TINAG: variants seen among roughly 807,000 people sequenced by gnomAD.
The protein encoded by TINAG is tubulointerstitial nephritis antigen.
TINAG carries 83 observed loss-of-function variants against 72.7 expected under a neutral mutation model. The ratio of observed to expected loss-of-function variants is 1.14; its 90% confidence interval spans 0.96 to 1.37. The LOEUF (loss-of-function observed/expected upper bound fraction) is 1.37, where lower values mean the gene tolerates loss of function less well. Among genes scored for constraint, TINAG ranks in the 40% most tolerant of loss-of-function variants. The probability of loss-of-function intolerance (pLI) is 0.00; values close to 1 mark genes in which losing one functional copy is unlikely to be tolerated. For missense variants in TINAG, 685 were observed against 576.6 expected (o/e 1.19, Z -1.93); for synonymous variants, 234 against 189.9 (o/e 1.23, Z -1.91).
intron 4 of TINAG, among the ~76,000 whole-genome samples, chr6:54,330,286 T>G (rs1280186286): frequency 6.6e-6 from 1 of 151,660 alleles, no homozygotes; most frequent in Non-Finnish European, 1.5e-5. Context: ...AGATTAGAAC[T>G]CAGGAATAAG....
At chr6:54,359,762 T>C (rs1763164664) in intron 9 of TINAG, among the ~76,000 whole-genome samples, 1 of 151,990 alleles carries the variant, frequency 6.6e-6, no homozygotes, top group Middle Eastern at 3.4e-3. Context: ...CACCTGAGCA[T>C]TGGTAGGTGC....
intron 9 of TINAG, among the ~76,000 whole-genome samples, chr6:54,362,819 T>C (rs1763281372): frequency 6.6e-6 from 1 of 151,272 alleles, no homozygotes; most frequent in South Asian, 2.1e-4. Context: ...TTGGAAGAAG[T>C]TGATTCCAGT....
intron 9 of TINAG, among the ~76,000 whole-genome samples, chr6:54,364,539 G>A (rs1763346755): frequency 6.6e-6 from 1 of 151,256 alleles, no homozygotes; most frequent in African/African-American, 2.4e-5. Context: ...TCACATAATA[G>A]TTTGTCATGA....
At chr6:54,364,855 C>A (rs1316765405) in intron 9 of TINAG, among the ~76,000 whole-genome samples, 1 of 151,214 alleles carries the variant, frequency 6.6e-6, no homozygotes, top group African/African-American at 2.4e-5. Context: ...AATAATGCCT[C>A]AGTACTGAAT....
intron 6 of TINAG, among the ~76,000 whole-genome samples, chr6:54,349,318 T>A (rs1460381240): frequency 6.6e-6 from 1 of 151,942 alleles, no homozygotes; most frequent in Non-Finnish European, 1.5e-5. Context: ...CTGGAAATAG[T>A]CAGATTCATT....
intron 4 of TINAG, among the ~76,000 whole-genome samples, chr6:54,330,504 GA>G: frequency 1.3e-5 from 2 of 152,212 alleles, no homozygotes; most frequent in Middle Eastern, 3.4e-3. Context: ...GATAAAATGA[GA>G]AAGATCTAAA....
At chr6:54,342,125 C>T (rs1213629899) in intron 4 of TINAG, among the ~76,000 whole-genome samples, 2 of 151,662 alleles carry the variant, frequency 1.3e-5, no homozygotes, top group African/African-American at 2.4e-5. Context: ...ATAAACAAAT[C>T]GTTATTTGGT....
intron 8 of TINAG, among the ~76,000 whole-genome samples, chr6:54,353,279 G>A (rs902766852): frequency 6.6e-6 from 1 of 151,804 alleles, no homozygotes; most frequent in African/African-American, 2.4e-5. Flanking sequence ...TGGTTCTACA[G>A]AAAAGAAAAG....
At chr6:54,387,322 C>T (rs930786757) in intron 10 of TINAG, among the ~76,000 whole-genome samples, 1 of 151,948 alleles carries the variant, frequency 6.6e-6, no homozygotes, top group South Asian at 2.1e-4. Flanking sequence ...TAAATGGAGC[C>T]GCTACTTATG....
chr6:54,378,417 C>T (rs979751919), intron 9 of TINAG, among the ~76,000 whole-genome samples: 2 of 151,934 alleles, frequency 1.3e-5, no homozygotes, highest in Non-Finnish European at 2.9e-5. Context: ...TTTAAATGAG[C>T]GTCTTAAAAT....
chr6:54,355,714 CGTGTGTGTGTGTGT>C (rs5876379), intron 9 of TINAG, among the ~76,000 whole-genome samples: 5 of 145,104 alleles, frequency 3.4e-5, no homozygotes, highest in African/African-American at 5.1e-5. Flanking sequence ...AAAAATGTAA[CGTGTGTGTGTGTGT>C]GTGTGTGTGT....
At chr6:54,314,047 C>T (rs1382439415) in intron 1 of TINAG, among the ~76,000 whole-genome samples, 3 of 152,028 alleles carry the variant, frequency 2.0e-5, no homozygotes, top group Non-Finnish European at 4.4e-5. Context: ...CTTAGGTATG[C>T]GAAACAATTA....
At chr6:54,358,410 C>T (rs1406835536) in intron 9 of TINAG, among the ~76,000 whole-genome samples, 1 of 151,610 alleles carries the variant, frequency 6.6e-6, no homozygotes, top group Non-Finnish European at 1.5e-5. Context: ...AAATACGGTA[C>T]TGATCCGTTG....
chr6:54,366,123 CATGAGGTGGGAATTA>C (rs1329498073), intron 9 of TINAG, among the ~76,000 whole-genome samples: 2 of 151,616 alleles, frequency 1.3e-5, no homozygotes, highest in Non-Finnish European at 3.0e-5. Context: ...TTAAAATCCT[CATGAGGTGGGAATTA>C]TTATTTCATT....
rs111302547 is a variant in TINAG, at chr6:54,389,947, G to A, written c.*22G>A. 17 of 1,601,138 alleles carry A rather than the reference G, an allele frequency of 1.1e-5. No homozygotes were observed. The South Asian group carries it at 1.1e-4, about 11-fold the overall frequency. On this transcript the variant is annotated 3_prime_UTR_variant, in exon 11 of 11. Transcript: ENST00000259782. Reference sequence around the variant, plus strand: ...ATAACATATCATTAAATTTCCATAAGGTCATGCCTTTAAGTAACCCCCTAA... The same window carrying A: ...ATAACATATCATTAAATTTCCATAAAGTCATGCCTTTAAGTAACCCCCTAA...
intron 10 of TINAG, among the ~76,000 whole-genome samples, chr6:54,384,470 G>T (rs1212822886): frequency 1.3e-5 from 2 of 152,012 alleles, no homozygotes; most frequent in Non-Finnish European, 1.5e-5. Flanking sequence ...TATTTAAAAT[G>T]ACACATTATT....
At chr6:54,385,174 T>A in intron 10 of TINAG, among the ~76,000 whole-genome samples, 1 of 151,376 alleles carries the variant, frequency 6.6e-6, no homozygotes, top group African/African-American at 2.4e-5. Flanking sequence ...CAAAAAAAAG[T>A]AAAAGAAAAC....
At chr6:54,335,319 C>G (rs980236716) in intron 4 of TINAG, among the ~76,000 whole-genome samples, 2 of 152,108 alleles carry the variant, frequency 1.3e-5, no homozygotes, top group African/African-American at 4.8e-5. Flanking sequence ...AATTAAAACT[C>G]TTAATGATGA....
Position 54,349,835 on chromosome 6 carries a change from A to G in TINAG, c.1019A>G (p.Asn340Ser). The change falls in exon 7 of 11, where the codon AAC (asparagine) becomes AGC (serine). Residue 340 changes from asparagine (N) to serine (S), a missense_variant. Physicochemically the swap from Asn to Ser is conservative, Grantham distance 46 (BLOSUM62 1). Transcript: ENST00000259782. The part of the protein sequence containing the change: ...GKRHATKPCP[N>S]NVEKSNRIYQ... ...CGGCATGCCACGAAGCCATGTCCCA[A>G]CAACGTAGAAAAATCTAACAGGATC... 1 of 1,610,268 alleles carries G rather than the reference A, an allele frequency of 6.2e-7. No individual in the cohort carries two copies. The highest frequency in any genetic ancestry group is 8.5e-7 in the Non-Finnish European group (1 of 1,177,620).
Sources: allele counts gnomAD v4.1 joint callset (sites outside exome capture counted in the v4.1 genomes callset), GRCh38; gene constraint gnomAD v4.1.1; transcripts MANE v1.5; gene names NCBI Gene and HGNC (gene_info 2026-07-23, HGNC 2026-07-21).